MTARC1: variants seen among roughly 807,000 people sequenced by gnomAD.
MTARC1 encodes mitochondrial amidoxime reducing component 1, also known as mitochondrial amidoxime-reducing component 1.
MTARC1 carries 24 observed loss-of-function variants against 33.6 expected under a neutral mutation model. That is an observed-to-expected ratio of 0.72 (90% confidence interval 0.52 to 1.01). The LOEUF (loss-of-function observed/expected upper bound fraction) is 1.01. Among genes scored for constraint, MTARC1 ranks in the 50% least tolerant of loss-of-function variants. The pLI is 0.00. For missense variants in MTARC1, 417 were observed against 445.7 expected (o/e 0.94, Z 0.58); for synonymous variants, 187 against 189.5 (o/e 0.99, Z 0.11).
chr1:220,791,252 A>C, intron 1 of MTARC1: 1 of 385,044 alleles, frequency 2.6e-6, no homozygotes, highest in Non-Finnish European at 4.7e-6. Context: ...CAAAGAGCTC[A>C]AACTGTTCTC....
Position 220,813,478 on chromosome 1 carries a change from C to T in MTARC1, c.*60C>T. 3 of 1,592,920 alleles carry T rather than the reference C, an allele frequency of 1.9e-6. No individual in the cohort carries two copies. Among genetic ancestry groups the T allele is most frequent in the Non-Finnish European group, 2.6e-6 (3 of 1,164,680 alleles). On this transcript the variant is annotated 3_prime_UTR_variant, in exon 7 of 7. Coordinates refer to ENST00000366910, the MANE Select transcript of MTARC1 (RefSeq NM_022746.4). ...TTAAAAATGTTCTCAAAAATGACAA[C>T]ACTTGAAGCATGGTGTTTCAGAACT...
At chr1:220,791,786 C>T (rs937999064) in intron 2 of MTARC1, 122 bp downstream of exon 2, 11 of 1,055,744 alleles carry the variant, frequency 1.0e-5, no homozygotes, top group Middle Eastern at 2.1e-4. Flanking sequence ...TGCATGTGTA[C>T]CATATACAGA....
chr1:220,809,115 A>G, intron 6 of MTARC1: 1 of 333,580 alleles, frequency 3.0e-6, no homozygotes, highest in Non-Finnish European at 5.9e-6. Context: ...GAGGAGGCAG[A>G]CTCTCCACCC....
At position 220,818,976 on chromosome 1, in the gene MTARC1, A is replaced by G. The variant is rs1207855055; in HGVS notation, c.*5558A>G. ...ATGAATAATTGATCGTCCAGCGCTCACATAGCTACCGCGGATCTGAGCCCG... is the reference window on the plus strand; with the variant it reads ...ATGAATAATTGATCGTCCAGCGCTCGCATAGCTACCGCGGATCTGAGCCCG... On this transcript the variant is annotated 3_prime_UTR_variant, in exon 7 of 7. Coordinates refer to ENST00000366910, the MANE Select transcript of MTARC1 (RefSeq NM_022746.4). The G allele has an allele frequency of 6.6e-6, 1 of 152,202 alleles. No homozygotes were observed. The highest frequency in any genetic ancestry group is 1.5e-5 in the Non-Finnish European group (1 of 68,038). 9.4% of individuals were successfully genotyped at this position (152,202 alleles called of 1,614,324 possible).
Position 220,813,563 on chromosome 1 carries a change from G to T in MTARC1, c.*145G>T. 3 of 1,099,894 alleles carry T rather than the reference G, an allele frequency of 2.7e-6. No individual in the cohort carries two copies. The highest frequency in any genetic ancestry group is 3.8e-6 in the Non-Finnish European group (3 of 779,288). 68.1% of individuals were successfully genotyped at this position (1,099,894 alleles called of 1,614,324 possible). A position where few individuals can be genotyped will look rare whatever the true frequency, so the allele number is the denominator to read the frequency against. On this transcript the variant is annotated 3_prime_UTR_variant, in exon 7 of 7. Transcript: ENST00000366910. ...CACATTTTTCGTCTTTTGGACTTCTGGTGTCTCAATGCTTCAATGTCCCAG... is the reference window on the plus strand; with the variant it reads ...CACATTTTTCGTCTTTTGGACTTCTTGTGTCTCAATGCTTCAATGTCCCAG...
In MTARC1 at chr1:220,818,205, G is replaced by A. The variant is rs536356054; in HGVS notation, c.*4787G>A. The A allele has an allele frequency of 6.6e-6, 1 of 152,314 alleles. No individual in the cohort carries two copies. The highest frequency in any genetic ancestry group is 1.5e-5 in the Non-Finnish European group (1 of 68,028). The allele number at this position is 152,314 out of a possible 1,614,324, so 9.4% of individuals were successfully genotyped here. A position where few individuals can be genotyped will look rare whatever the true frequency, so the allele number is the denominator to read the frequency against. On this transcript the variant is annotated 3_prime_UTR_variant, in exon 7 of 7. Coordinates refer to ENST00000366910, the MANE Select transcript of MTARC1 (RefSeq NM_022746.4). ...CTGCTCTGACCACACTCTCTTCACA[G>A]GAAGAGGCTTGGGCCACAGCTCTGA...
chr1:220,806,330 G>A (rs1262338623), intron 6 of MTARC1, among the ~76,000 whole-genome samples: 1 of 152,170 alleles, frequency 6.6e-6, no homozygotes, highest in Admixed American at 6.5e-5. Context: ...CCTTGGCTTT[G>A]TGTAAGACCC....
chr1:220,806,231 G>A (rs1265871952), intron 6 of MTARC1, among the ~76,000 whole-genome samples: 1 of 152,176 alleles, frequency 6.6e-6, no homozygotes, highest in Non-Finnish European at 1.5e-5. Flanking sequence ...AATGAACTAA[G>A]GGTGCTTCTC....
rs371624808 is a variant in MTARC1, at chr1:220,791,638, C to T, written c.423C>T (p.Pro141=). ...TKDLLLPIKT[P]TTNAVHKCRV... Reference sequence around the variant, plus strand: ...ACCTACTACTGCCTATCAAAACGCCCACCACAAATGCAGTGCACAAGTGCA... The same window carrying T: ...ACCTACTACTGCCTATCAAAACGCCTACCACAAATGCAGTGCACAAGTGCA... Residue 141 remains proline (P), a synonymous_variant, in exon 2 of 7, where the codon CCC becomes CCT. Coordinates refer to ENST00000366910, the MANE Select transcript of MTARC1 (RefSeq NM_022746.4). 5.0e-6 allele frequency: 8 copies of T among 1,614,128 alleles called. No homozygotes were observed. Among genetic ancestry groups the T allele is most frequent in the Non-Finnish European group, 6.8e-6 (8 of 1,180,018 alleles).
chr1:220,803,633 C>T (rs1046084210), intron 4 of MTARC1, among the ~76,000 whole-genome samples: 4 of 152,164 alleles, frequency 2.6e-5, no homozygotes, highest in African/African-American at 4.8e-5. Flanking sequence ...AACTGGTCAC[C>T]TCCAGGTGCT....
At chr1:220,810,072 T>G (rs997495791) in intron 6 of MTARC1, among the ~76,000 whole-genome samples, 15 of 152,318 alleles carry the variant, frequency 9.8e-5, no homozygotes, top group African/African-American at 2.9e-4. Context: ...TTAAGCTAAA[T>G]AAAGTGTCTT....
intron 6 of MTARC1, chr1:220,808,938 C>G (rs938554010): frequency 2.1e-6 from 1 of 470,770 alleles, no homozygotes; most frequent in African/African-American, 2.0e-5. Context: ...ACATTTTGCC[C>G]CTAATGGAAA....
rs113869372 is a variant in MTARC1 at position 220,804,578 on chromosome 1, G to T, written c.754-474G>T. On this transcript the variant is annotated intron_variant, in intron 4 of 6. Coordinates refer to ENST00000366910, the MANE Select transcript of MTARC1 (RefSeq NM_022746.4). Reference sequence around the variant, plus strand: ...TGCTGGTCCTGCTCCTGATGTGTCCGTATCTGGCTAGGGGAGACATGCACA... The same window carrying T: ...TGCTGGTCCTGCTCCTGATGTGTCCTTATCTGGCTAGGGGAGACATGCACA... Among the ~76,000 whole-genome samples the T allele has an allele frequency of 2.6e-5, 4 of 152,246 alleles. 1 individual carries two copies. The highest frequency in any genetic ancestry group is 9.6e-5 in the African/African-American group (4 of 41,540).
At position 220,805,036 on chromosome 1, in the gene MTARC1, G is replaced by C. The variant is rs545055814; in HGVS notation, c.754-16G>C. On this transcript the variant is annotated splice_polypyrimidine_tract_variant and intron_variant, in intron 4 of 6. Coordinates refer to ENST00000366910, the MANE Select transcript of MTARC1 (RefSeq NM_022746.4). Reference sequence around the variant, plus strand: ...GGCCCAGAGATGCTCATGGGAATTTGTGCTTTGTCCCCTAGGATTCTTGGG... The same window carrying C: ...GGCCCAGAGATGCTCATGGGAATTTCTGCTTTGTCCCCTAGGATTCTTGGG... 6.2e-7 allele frequency: 1 copy of C among 1,614,128 alleles called. No homozygotes were observed. The highest frequency in any genetic ancestry group is 1.1e-5 in the South Asian group (1 of 91,086).
At chr1:220,793,414 T>C (rs1337630013) in intron 2 of MTARC1, 1 of 152,232 alleles carries the variant, frequency 6.6e-6, no homozygotes, top group Non-Finnish European at 1.5e-5. Flanking sequence ...AACAAGGGCA[T>C]GCTTGCAAAT....
At position 220,787,141 on chromosome 1, in the gene MTARC1, T is replaced by C; in HGVS notation, c.197T>C (p.Val66Ala). Residue 66 changes from valine to alanine, a missense_variant, in exon 1 of 7, where the codon GTG becomes GCG. Transcript: ENST00000366910. ...GTGGCGCAGCTCTGGATCTACCCTGTGAAATCCTGCAAGGGGGTGCCGGTG... is the reference window on the plus strand; with the variant it reads ...GTGGCGCAGCTCTGGATCTACCCTGCGAAATCCTGCAAGGGGGTGCCGGTG... ...GTVAQLWIYP[V>A]KSCKGVPVSE... The C allele has an allele frequency of 6.4e-7, 1 of 1,569,830 alleles. No homozygotes were observed. Among genetic ancestry groups the C allele is most frequent in the Non-Finnish European group, 8.6e-7 (1 of 1,158,656 alleles).
At chr1:220,789,043 C>T (rs1672335953) in intron 1 of MTARC1, among the ~76,000 whole-genome samples, 1 of 140,444 alleles carries the variant, frequency 7.1e-6, no homozygotes, top group Admixed American at 7.4e-5. Context: ...GGCTTACAGT[C>T]CTAGGTTGTG....
intron 4 of MTARC1, 57 bp downstream of exon 4, chr1:220,798,071 A>C: frequency 1.2e-6 from 2 of 1,613,700 alleles, no homozygotes; most frequent in Non-Finnish European, 1.7e-6. Flanking sequence ...TTAAGGTATG[A>C]GAGTCTTTGA....
chr1:220,813,205 G>T, intron 6 of MTARC1, 87 bp from the exon 7 acceptor site: 1 of 1,579,410 alleles, frequency 6.3e-7, no homozygotes, highest in Non-Finnish European at 8.7e-7. Context: ...TGTGCGTGCG[G>T]AGGCCCTGTG....
Sources: gnomAD v4.1 joint callset for allele counts (sites outside exome capture counted in the v4.1 genomes callset) on GRCh38, gnomAD v4.1.1 for gene constraint, MANE v1.5 for transcripts, NCBI Gene and HGNC (gene_info 2026-07-23, HGNC 2026-07-21) for gene names.